PM20D2: variants seen among roughly 807,000 people sequenced by gnomAD.
The protein encoded by PM20D2 is xaa-Arg dipeptidase.
PM20D2 carries 33 observed loss-of-function variants against 42.9 expected under a neutral mutation model. That is an observed-to-expected ratio of 0.77 (90% CI 0.58 to 1.03). The LOEUF is 1.03. Among genes scored for constraint, PM20D2 ranks in the 50% least tolerant of loss-of-function variants. The pLI, the probability that PM20D2 is intolerant of heterozygous loss-of-function variation, is 0.00. For synonymous variants in PM20D2, 250 were observed against 228.2 expected (o/e 1.10, Z -0.86); for missense variants, 548 against 557.0 (o/e 0.98, Z 0.16).
chr6:89,120,646 T>C, the PM20D2 span, among the ~76,000 whole-genome samples: 1 of 151,756 alleles, frequency 6.6e-6, no homozygotes, highest in Non-Finnish European at 1.5e-5. Flanking sequence ...GGAAGATTGC[T>C]CCAAGCTAGA....
the PM20D2 span, among the ~76,000 whole-genome samples, chr6:89,104,865 C>G: frequency 6.6e-6 from 1 of 151,964 alleles, no homozygotes; most frequent in African/African-American, 2.4e-5. Flanking sequence ...CCAGCCTGGG[C>G]AACATAGCGA....
At chr6:89,122,680 G>GT in the PM20D2 span, among the ~76,000 whole-genome samples, 2 of 152,162 alleles carry the variant, frequency 1.3e-5, no homozygotes, top group Admixed American at 6.5e-5. Flanking sequence ...ATTTAGGTAG[G>GT]TATTAGTGTC....
the PM20D2 span, among the ~76,000 whole-genome samples, chr6:89,118,622 G>T: frequency 6.6e-6 from 1 of 152,132 alleles, no homozygotes; most frequent in African/African-American, 2.4e-5. Flanking sequence ...TGGCCTGTTG[G>T]ATTTTTAAGT....
the PM20D2 span, among the ~76,000 whole-genome samples, chr6:89,101,299 T>C: frequency 6.6e-6 from 1 of 152,124 alleles, no homozygotes; most frequent in Admixed American, 6.5e-5. Context: ...GATAATAGCA[T>C]AGAATTTTAC....
At chr6:89,117,963 C>A in the PM20D2 span, 1 of 1,456,748 alleles carries the variant, frequency 6.9e-7, no homozygotes, top group Admixed American at 2.3e-5. Context: ...GCTGCTACCA[C>A]CACAGGAGCT....
chr6:89,114,225 C>T, the PM20D2 span, among the ~76,000 whole-genome samples: 3 of 152,088 alleles, frequency 2.0e-5, no homozygotes, highest in Non-Finnish European at 2.9e-5. Flanking sequence ...ATCAAGAGTT[C>T]GAGACCAGCC....
the PM20D2 span, among the ~76,000 whole-genome samples, chr6:89,133,004 C>G: frequency 3.3e-5 from 5 of 150,870 alleles, 1 homozygote; most frequent in Admixed American, 3.3e-4. Flanking sequence ...AGGAGGATAC[C>G]TTGAGCCCAG....
chr6:89,112,775 A>G, the PM20D2 span, among the ~76,000 whole-genome samples: 1 of 152,156 alleles, frequency 6.6e-6, no homozygotes, highest in Admixed American at 6.5e-5. Context: ...TATGCACCAC[A>G]TAACAATGTT....
At chr6:89,117,433 G>A in the PM20D2 span, among the ~76,000 whole-genome samples, 2 of 152,212 alleles carry the variant, frequency 1.3e-5, no homozygotes, top group East Asian at 3.9e-4. Flanking sequence ...TTTTATCGGG[G>A]CACGGCGACA....
the PM20D2 span, among the ~76,000 whole-genome samples, chr6:89,132,092 AG>A: frequency 6.6e-6 from 1 of 152,242 alleles, no homozygotes; most frequent in African/African-American, 2.4e-5. Context: ...AAAGCTGACA[AG>A]AACCAACTCA....
chr6:89,135,669 C>A, the PM20D2 span, among the ~76,000 whole-genome samples: 4 of 151,348 alleles, frequency 2.6e-5, no homozygotes, highest in South Asian at 8.3e-4. Flanking sequence ...GTACCCTATA[C>A]GCAGTAATTC....
At chr6:89,138,099 G>A in the PM20D2 span, among the ~76,000 whole-genome samples, 1 of 148,810 alleles carries the variant, frequency 6.7e-6, no homozygotes, top group South Asian at 2.1e-4. Context: ...ATTTGTTGTA[G>A]AGACAAGGTC....
At chr6:89,125,490 C>A in the PM20D2 span, among the ~76,000 whole-genome samples, 95,283 of 148,826 alleles carry the variant, frequency 0.64, 31,221 homozygotes, top group South Asian at 0.76. Flanking sequence ...AAAAAAAAAA[C>A]CATTTCTCAG....
At position 89,146,577 on chromosome 6, in the gene PM20D2, G is replaced by A. The variant is rs1376871582; in HGVS notation, c.433G>A (p.Glu145Lys). Residue 145 changes from glutamate (E) to lysine (K), a missense_variant, in exon 1 of 7, where the codon GAG (glutamate) becomes AAG (lysine). Glu to Lys is a moderately conservative substitution (Grantham distance 56). This residue lies in a region of PM20D2 where 470 missense variants were observed against 464.4 expected (regional missense o/e 1.01). Coordinates refer to ENST00000275072, the MANE Select transcript of PM20D2 (RefSeq NM_001010853.3). ...CGCGCTGGGCGTGAGGGGGGCCTTAGAGGGCCTCCCCAGGCCGCCTCCGCC... is the reference window on the plus strand; with the variant it reads ...CGCGCTGGGCGTGAGGGGGGCCTTAAAGGGCCTCCCCAGGCCGCCTCCGCC... Reference protein sequence around the residue: ...AAALGVRGALEGLPRPPPPVK... With the variant: ...AAALGVRGALKGLPRPPPPVK... 1 of 1,481,878 alleles carries A rather than the reference G, an allele frequency of 6.7e-7. No homozygotes were observed. The allele number at this position is 1,481,878 out of a possible 1,614,324, so 91.8% of individuals were successfully genotyped here. A position where few individuals can be genotyped will look rare whatever the true frequency, so the allele number is the denominator to read the frequency against.
At chr6:89,099,436 ATATACACATATATATGTG>A in the PM20D2 span, among the ~76,000 whole-genome samples, 1 of 134,530 alleles carries the variant, frequency 7.4e-6, no homozygotes. Context: ...GTGTGTATAT[ATATACACATATATATGTG>A]TGTATATATG....
chr6:89,124,934 T>C, the PM20D2 span, among the ~76,000 whole-genome samples: 1 of 151,858 alleles, frequency 6.6e-6, no homozygotes, highest in Non-Finnish European at 1.5e-5. Flanking sequence ...TAGGTCTTGC[T>C]ATGTTTCCAG....
At chr6:89,142,480 T>G (rs1036398218), upstream of PM20D2, among the ~76,000 whole-genome samples, 2 of 152,268 alleles carry the variant, frequency 1.3e-5, no homozygotes, top group Non-Finnish European at 2.9e-5. Context: ...CAGGAGAAAA[T>G]TGCTGTAGTT....
At chr6:89,157,030 A>G (rs1771072304) in intron 4 of PM20D2, among the ~76,000 whole-genome samples, 1 of 152,140 alleles carries the variant, frequency 6.6e-6, no homozygotes, top group African/African-American at 2.4e-5. Flanking sequence ...CTCAAGGTAT[A>G]CAGTATTCCC....
the PM20D2 span, among the ~76,000 whole-genome samples, chr6:89,117,541 G>A: frequency 6.6e-6 from 1 of 152,198 alleles, no homozygotes; most frequent in East Asian, 1.9e-4. Flanking sequence ...GTGTCCCACG[G>A]CCCGCCGGCT....
Sources: gnomAD v4.1 joint callset for allele counts (sites outside exome capture counted in the v4.1 genomes callset) on GRCh38, gnomAD v4.1.1 for gene constraint, gnomAD v4.1.1 regional missense constraint, MANE v1.5 for transcripts, NCBI Gene and HGNC (gene_info 2026-07-23, HGNC 2026-07-21) for gene names.